TGFBR3: variants seen among roughly 807,000 people sequenced by gnomAD.
TGFBR3 encodes transforming growth factor beta receptor type 3.
TGFBR3 carries 46 observed loss-of-function variants against 87.9 expected under a neutral mutation model. That is an observed-to-expected ratio of 0.52 (90% CI 0.41 to 0.67). The LOEUF is 0.67. Among genes scored for constraint, TGFBR3 ranks in the 30% least tolerant of loss-of-function variants. The probability of loss-of-function intolerance (pLI) is 0.00; values close to 1 mark genes in which losing one functional copy is unlikely to be tolerated. For synonymous variants in TGFBR3, 381 were observed against 391.6 expected (o/e 0.97, Z 0.32); for missense variants, 866 against 1,041.9 (o/e 0.83, Z 2.32).
chr1:91,895,061 C>T (rs575141600), intron 2 of TGFBR3, among the ~76,000 whole-genome samples: 4 of 152,140 alleles, frequency 2.6e-5, no homozygotes, highest in South Asian at 2.1e-4. Flanking sequence ...TGAGCCACCG[C>T]GCCCAGCTGA....
At chr1:91,839,000 C>T (rs1677169663) in intron 2 of TGFBR3, among the ~76,000 whole-genome samples, 1 of 152,090 alleles carries the variant, frequency 6.6e-6, no homozygotes. Flanking sequence ...GTTTTTGAGA[C>T]AGGGTCTCAC....
intron 2 of TGFBR3, among the ~76,000 whole-genome samples, chr1:91,834,674 T>G (rs1041951406): frequency 6.6e-6 from 1 of 152,112 alleles, no homozygotes; most frequent in African/African-American, 2.4e-5. Context: ...AGATGGAGTT[T>G]GTTTTGGTTT....
At chr1:91,698,515 T>C (rs991162040) in intron 14 of TGFBR3, among the ~76,000 whole-genome samples, 1,506 of 60,050 alleles carry the variant, frequency 0.025, 19 homozygotes, top group African/African-American at 0.07. Flanking sequence ...AAAATATTCT[T>C]TTTTTTTTTT....
Position 91,771,804 on chromosome 1 carries a change from C to G in TGFBR3, c.247-13054G>C, listed in dbSNP as rs17879255. Among the ~76,000 whole-genome samples, 1,200 of 151,866 alleles carry G rather than the reference C, an allele frequency of 7.9e-3. 7 individuals carry two copies. Among genetic ancestry groups the G allele is most frequent in the Non-Finnish European group, 0.014 (961 of 67,984 alleles). On this transcript the variant is annotated intron_variant, in intron 3 of 16. Transcript: ENST00000212355. Reference sequence around the variant, plus strand: ...CATATAAACTTATATTTGGGAAGCACCACTAAGTAATGAAAGGACTTCAAA... The same window carrying G: ...CATATAAACTTATATTTGGGAAGCAGCACTAAGTAATGAAAGGACTTCAAA...
chr1:91,747,797 A>G (rs1447463065), intron 4 of TGFBR3, among the ~76,000 whole-genome samples: 1 of 152,166 alleles, frequency 6.6e-6, no homozygotes, highest in Non-Finnish European at 1.5e-5. Context: ...TTAAGAGCAC[A>G]CCCAAGGCTT....
chr1:91,686,062 C>T (rs1262322487), intron 16 of TGFBR3, among the ~76,000 whole-genome samples: 1 of 152,148 alleles, frequency 6.6e-6, no homozygotes, highest in African/African-American at 2.4e-5. Context: ...GCTTTGTTTG[C>T]TCAGCCCAAC....
intron 2 of TGFBR3, among the ~76,000 whole-genome samples, chr1:91,806,445 C>T (rs1325176935): frequency 6.6e-6 from 1 of 151,966 alleles, no homozygotes; most frequent in South Asian, 2.1e-4. Context: ...ACTAATATCA[C>T]ACCTCATGCA....
At chr1:91,762,090 A>G (rs2100905588) in intron 3 of TGFBR3, among the ~76,000 whole-genome samples, 1 of 152,318 alleles carries the variant, frequency 6.6e-6, no homozygotes, top group Non-Finnish European at 1.5e-5. Context: ...GGAATTGAAC[A>G]CTGGGACCAT....
chr1:91,680,664 A>C lies in TGFBR3; in HGVS notation c.*3075T>G, dbSNP rs1229693216. 1 of 454,106 alleles carries C rather than the reference A, an allele frequency of 2.2e-6. No homozygotes were observed. Among genetic ancestry groups the C allele is most frequent in the Admixed American group, 2.3e-5 (1 of 42,572 alleles). The allele number at this position is 454,106 out of a possible 1,614,324, so 28.1% of individuals were successfully genotyped here. ...AACCCCCAGATAAAACAAACATGAAAAAAATCACATAGGACTCACCCAACA... is the reference window on the plus strand; with the variant it reads ...AACCCCCAGATAAAACAAACATGAACAAAATCACATAGGACTCACCCAACA... On this transcript the variant is annotated 3_prime_UTR_variant, in exon 17 of 17. Coordinates refer to ENST00000212355, the MANE Select transcript of TGFBR3 (RefSeq NM_003243.5).
intron 2 of TGFBR3, among the ~76,000 whole-genome samples, chr1:91,810,524 G>A (rs1036870670): frequency 6.6e-6 from 1 of 152,202 alleles, no homozygotes; most frequent in Non-Finnish European, 1.5e-5. Context: ...TGAGGGCAAG[G>A]ACTGTGTTTC....
Position 91,861,972 on chromosome 1 carries a change from C to A in TGFBR3, c.-113-328G>T, listed in dbSNP as rs538309659. 6.0e-5 allele frequency: 14 copies of A among 234,108 alleles called. No individual in the cohort carries two copies. The East Asian group carries it at 1.7e-3, about 29-fold the overall frequency. The allele number at this position is 234,108 out of a possible 1,614,324, so 14.5% of individuals were successfully genotyped here. ...CTGGGTTCAAGCGATTCTCCTGCCT[C>A]AGCCTCCCAAGTAGCTGGGATTACA... On this transcript the variant is annotated intron_variant, in intron 1 of 16. Transcript: ENST00000212355.
chr1:91,818,647 T>C (rs1676335080), intron 2 of TGFBR3, among the ~76,000 whole-genome samples: 1 of 152,164 alleles, frequency 6.6e-6, no homozygotes, highest in South Asian at 2.1e-4. Context: ...TATTCAGAGA[T>C]GTAATTACAC....
In TGFBR3 at chr1:91,800,241, A is replaced by AT. The variant is rs1487819855; in HGVS notation, c.62-2771_62-2770insA. ...ACCCCATCTCTACAAAAAAAAAAAA[A>AT]ATATATATATATATACACACACACA... On this transcript the variant is annotated intron_variant, in intron 2 of 16. Coordinates refer to ENST00000212355, the MANE Select transcript of TGFBR3 (RefSeq NM_003243.5). 3.7e-3 allele frequency among the ~76,000 whole-genome samples: 484 copies of AT among 129,312 alleles called. 1 individual carries two copies. The highest frequency in any genetic ancestry group is 0.013 in the South Asian group (53 of 3,998). The allele number at this position is 129,312 out of a possible 152,430, so 84.8% of individuals were successfully genotyped here.
At chr1:91,862,336 A>T (rs536139224) in intron 1 of TGFBR3, among the ~76,000 whole-genome samples, 4 of 152,224 alleles carry the variant, frequency 2.6e-5, no homozygotes, top group Non-Finnish European at 5.9e-5. Flanking sequence ...TAGAGACTCA[A>T]TCTAATGTTA....
intron 2 of TGFBR3, among the ~76,000 whole-genome samples, chr1:91,827,190 G>A (rs998117400): frequency 7.9e-5 from 12 of 152,154 alleles, no homozygotes; most frequent in African/African-American, 2.7e-4. Flanking sequence ...GATGTAAAGT[G>A]CCAGGCATGA....
chr1:91,834,549 C>G (rs951180561), intron 2 of TGFBR3, among the ~76,000 whole-genome samples: 3 of 152,200 alleles, frequency 2.0e-5, no homozygotes, highest in Non-Finnish European at 4.4e-5. Flanking sequence ...CCTAAAGTGC[C>G]AAGTTCTTGT....
At chr1:91,836,442 T>A (rs74099504) in intron 2 of TGFBR3, among the ~76,000 whole-genome samples, 1 of 11,836 alleles carries the variant, frequency 8.4e-5, no homozygotes, top group Non-Finnish European at 1.4e-4. Context: ...CTGTAAAATG[T>A]AGCAAACCGA....
At chr1:91,689,755 C>A (rs1432747933) in intron 16 of TGFBR3, among the ~76,000 whole-genome samples, 1 of 148,314 alleles carries the variant, frequency 6.7e-6, no homozygotes, top group African/African-American at 2.5e-5. Flanking sequence ...CACATCAGTT[C>A]TCTGGGCTCA....
chr1:91,719,396 T>C lies in TGFBR3; in HGVS notation c.1482A>G (p.Thr494=). ...DPTCKAKMNG[T]HFVLESPLNG... is the part of the protein sequence containing the mutation. Reference sequence around the variant, plus strand: ...TCAGAGGAGACTCCAAAACAAAGTGTGTGCCATTCATCTTGGCCTTGCAGG... The same window carrying C: ...TCAGAGGAGACTCCAAAACAAAGTGCGTGCCATTCATCTTGGCCTTGCAGG... The change falls in exon 10 of 17, where the codon ACA becomes ACG. Residue 494 remains threonine, a synonymous_variant. Coordinates refer to ENST00000212355, the MANE Select transcript of TGFBR3 (RefSeq NM_003243.5). 1 of 1,614,126 alleles carries C rather than the reference T, an allele frequency of 6.2e-7. No individual in the cohort carries two copies. Among genetic ancestry groups the C allele is most frequent in the Non-Finnish European group, 8.5e-7 (1 of 1,180,036 alleles).
Sources: gnomAD v4.1 joint callset for allele counts (sites outside exome capture counted in the v4.1 genomes callset) on GRCh38, gnomAD v4.1.1 for gene constraint, MANE v1.5 for transcripts, NCBI Gene and HGNC (gene_info 2026-07-23, HGNC 2026-07-21) for gene names.